Variants in ZNF586 observed in about 807,000 individuals in gnomAD.
ZNF586 encodes zinc finger protein 586.
A neutral mutation model predicts 6.7 loss-of-function variants in ZNF586; 7 were observed. That is an observed-to-expected ratio of 1.04 (90% CI 0.59 to 1.95). The LOEUF is 1.95. Among genes scored for constraint, ZNF586 ranks in the 30% most tolerant of loss-of-function variants. The pLI, the probability that ZNF586 is intolerant of heterozygous loss-of-function variation, is 0.00. For synonymous variants in ZNF586, 166 were observed against 168.7 expected, an observed-to-expected ratio of 0.98 and a Z score of 0.12; for missense variants, 442 against 489.6, an observed-to-expected ratio of 0.90 and a Z score of 0.92.
Position 57,779,326 on chromosome 19 carries a change from TC to T in ZNF586, c.741del (p.Ser248ValfsTer6), listed in dbSNP as rs1568484387. Reference protein sequence around the residue: ...SECGRSFAENSSLIKHLRVHT... With the variant: ...SECGRSFAENXSLIKHLRVHT... ...ATGTGGGAGATCCTTTGCTGAAAAC[TC>T]CAGTCTTATTAAACACTTGAGAGTT... is the stretch of plus-strand genomic sequence containing the variant. On this transcript the variant is annotated frameshift_variant, in exon 3 of 3. Coordinates refer to ENST00000396154, the MANE Select transcript of ZNF586 (RefSeq NM_017652.4). LOFTEE classifies it low-confidence loss of function (END_TRUNC). 1.2e-6 allele frequency: 2 copies of T among 1,613,392 alleles called. No individual in the cohort carries two copies. The highest frequency in any genetic ancestry group is 1.7e-6 in the Non-Finnish European group (2 of 1,179,876).
chr19:57,775,688 C>T (rs1248930228), intron 1 of ZNF586, among the ~76,000 whole-genome samples: 1 of 150,868 alleles, frequency 6.6e-6, no homozygotes, highest in African/African-American at 2.5e-5. Flanking sequence ...CTGCAACCTC[C>T]ATCTCCTGGG....
intron 1 of ZNF586, among the ~76,000 whole-genome samples, chr19:57,775,891 C>T (rs1600079758): frequency 6.6e-6 from 1 of 152,172 alleles, no homozygotes; most frequent in Admixed American, 6.5e-5. Context: ...CGTGCGCCAC[C>T]GCGCCCGGCC....
At chr19:57,772,551 A>G (rs1391528329) in intron 1 of ZNF586, among the ~76,000 whole-genome samples, 1 of 150,988 alleles carries the variant, frequency 6.6e-6, no homozygotes, top group African/African-American at 2.4e-5. Flanking sequence ...TCAGGTTCCC[A>G]TGACCCCTTC....
chr19:57,779,478 A>C lies in ZNF586; in HGVS notation c.891A>C (p.Lys297Asn). 1 of 1,614,164 alleles carries C rather than the reference A, an allele frequency of 6.2e-7. No homozygotes were observed. The highest frequency in any genetic ancestry group is 8.5e-7 in the Non-Finnish European group (1 of 1,180,032). ...CTTATGAATGTAGTGAATGTGGGAA[A>C]TCCTTTAGCTTAAGGTCCAACCTCA... ...ERPYECSECG[K>N]SFSLRSNLIH... Residue 297 changes from lysine (K) to asparagine (N), a missense_variant, in exon 3 of 3, where the codon AAA becomes AAC. By Grantham distance (94) the Lys-to-Asn change is moderately conservative. Transcript: ENST00000396154.
At chr19:57,777,302 G>A (rs186491250) in intron 2 of ZNF586, among the ~76,000 whole-genome samples, 239 of 152,132 alleles carry the variant, frequency 1.6e-3, no homozygotes, top group Admixed American at 3.3e-3. Flanking sequence ...TTGGCTGTTC[G>A]TCTGTCCTAT....
In ZNF586 at chr19:57,778,780, G is replaced by C. The variant is rs1486576276; in HGVS notation, c.193G>C (p.Ala65Pro). The stretch of plus-strand genomic sequence containing the variant: ...TTGGCATGGAGGGGAAGATGAGGCA[G>C]CACCTTCTAAGCAGAGCACGTGTAT... ...GCWHGGEDEA[A>P]PSKQSTCIHI... The change falls in exon 3 of 3, where the codon GCA becomes CCA. Residue 65 changes from alanine (A) to proline (P), a missense_variant. Transcript: ENST00000396154. 6.2e-7 allele frequency: 1 copy of C among 1,609,288 alleles called. No individual in the cohort carries two copies. The highest frequency in any genetic ancestry group is 1.1e-5 in the South Asian group (1 of 90,214).
rs772207600 is a variant in ZNF586, at chr19:57,779,547, G to A, written c.960G>A (p.Gly320=). ...RVHTGERHEC[G]QCGKSFSRKS... ...ATACTGGAGAAAGGCATGAGTGCGGGCAGTGTGGGAAATCCTTTAGCCGAA... is the reference window on the plus strand; with the variant it reads ...ATACTGGAGAAAGGCATGAGTGCGGACAGTGTGGGAAATCCTTTAGCCGAA... The change falls in exon 3 of 3, where the codon GGG becomes GGA. Residue 320 remains glycine (G), a synonymous_variant. Coordinates refer to ENST00000396154, the MANE Select transcript of ZNF586 (RefSeq NM_017652.4). 1.2e-6 allele frequency: 2 copies of A among 1,612,756 alleles called. No homozygotes were observed. The highest frequency in any genetic ancestry group is 1.1e-5 in the South Asian group (1 of 91,026).
Position 57,769,742 on chromosome 19 carries a change from A to T in ZNF586, c.-101A>T. 7.7e-7 allele frequency: 1 copy of T among 1,291,276 alleles called. No homozygotes were observed. The highest frequency in any genetic ancestry group is 1.1e-6 in the Non-Finnish European group (1 of 919,462). 80.0% of individuals were successfully genotyped at this position (1,291,276 alleles called of 1,614,324 possible). On this transcript the variant is annotated 5_prime_UTR_variant, in exon 1 of 3. Transcript: ENST00000396154. ...CGGGAGGAGTGGTTGTGGCCATTGCACACAGGCGGATCTGAGGTTCGGCGA... is the reference window on the plus strand; with the variant it reads ...CGGGAGGAGTGGTTGTGGCCATTGCTCACAGGCGGATCTGAGGTTCGGCGA...
chr19:57,774,652 CT>C (rs201971874), intron 1 of ZNF586: 7 of 589,798 alleles, frequency 1.2e-5, no homozygotes, highest in Non-Finnish European at 1.3e-5. Flanking sequence ...GCTAGTGGTT[CT>C]TTTTGTCTGT....
intron 1 of ZNF586, among the ~76,000 whole-genome samples, chr19:57,776,246 T>A (rs1987234086): frequency 6.6e-6 from 1 of 152,196 alleles, no homozygotes; most frequent in Admixed American, 6.5e-5. Context: ...GGCACTGCAC[T>A]GGGATTCATG....
At position 57,779,134 on chromosome 19, in the gene ZNF586, T is replaced by C. The variant is rs1243743984; in HGVS notation, c.547T>C (p.Cys183Arg). 6.2e-7 allele frequency: 1 copy of C among 1,613,908 alleles called. No individual in the cohort carries two copies. Among genetic ancestry groups the C allele is most frequent in the South Asian group, 1.1e-5 (1 of 91,066 alleles). ...TRERPYECIE[C>R]GKAFAEKSSL... ...AGAAAGGCCTTATGAGTGTATTGAA[T>C]GTGGGAAAGCCTTTGCTGAAAAGTC... Residue 183 changes from cysteine (C) to arginine (R), a missense_variant, in exon 3 of 3, where the codon TGT becomes CGT. Transcript: ENST00000396154.
At chr19:57,776,066 A>C (rs1987229635) in intron 1 of ZNF586, among the ~76,000 whole-genome samples, 1 of 152,006 alleles carries the variant, frequency 6.6e-6, no homozygotes, top group Admixed American at 6.6e-5. Flanking sequence ...TGAAACTCCT[A>C]CTCTTTACCA....
chr19:57,770,083 G>T (rs1041537526), intron 1 of ZNF586, among the ~76,000 whole-genome samples: 1 of 152,130 alleles, frequency 6.6e-6, no homozygotes, highest in African/African-American at 2.4e-5. Flanking sequence ...CTGCAGGCGC[G>T]ACTGAGGCAG....
rs553818268 is a variant in ZNF586, at chr19:57,771,395, G to A, written c.36+1517G>A. 2.0e-5 allele frequency among the ~76,000 whole-genome samples: 3 copies of A among 151,484 alleles called. No homozygotes were observed. The South Asian group carries it at 6.3e-4, about 32-fold the overall frequency. On this transcript the variant is annotated intron_variant, in intron 1 of 2. Transcript: ENST00000396154. ...TGGGCTCAAGCAGTCCTCTTGCTTCGGCTTCCCAAAGTGCTGGGATGCCAA... is the reference window on the plus strand; with the variant it reads ...TGGGCTCAAGCAGTCCTCTTGCTTCAGCTTCCCAAAGTGCTGGGATGCCAA...
At chr19:57,774,353 T>C (rs1011975828) in intron 1 of ZNF586, among the ~76,000 whole-genome samples, 1 of 151,024 alleles carries the variant, frequency 6.6e-6, no homozygotes, top group African/African-American at 2.4e-5. Context: ...AGAAACCCCG[T>C]CTCTACTAAA....
intron 1 of ZNF586, among the ~76,000 whole-genome samples, chr19:57,771,828 A>T (rs1182836488): frequency 6.6e-6 from 1 of 151,752 alleles, no homozygotes; most frequent in Non-Finnish European, 1.5e-5. Flanking sequence ...GGGGCAAGTC[A>T]ATTTTTTTTT....
rs1414915574 is a variant in ZNF586, at chr19:57,780,501, G to C, written c.*705G>C. The C allele has an allele frequency of 6.6e-6, 1 of 152,148 alleles. No homozygotes were observed. The highest frequency in any genetic ancestry group is 1.5e-5 in the Non-Finnish European group (1 of 68,064). 9.4% of individuals were successfully genotyped at this position (152,148 alleles called of 1,614,324 possible). On this transcript the variant is annotated 3_prime_UTR_variant, in exon 3 of 3. Transcript: ENST00000396154. ...AGAGTTCTTAAGATGGAATTTTCCAGCCTGCCAGTCATGAATCTCAGACAG... is the reference window on the plus strand; with the variant it reads ...AGAGTTCTTAAGATGGAATTTTCCACCCTGCCAGTCATGAATCTCAGACAG...
intron 1 of ZNF586, among the ~76,000 whole-genome samples, chr19:57,774,220 A>G (rs1987167646): frequency 7.4e-6 from 1 of 135,320 alleles, no homozygotes; most frequent in Non-Finnish European, 1.5e-5. Flanking sequence ...CCGTCTCAAA[A>G]AAAAAAAAAA....
Position 57,776,474 on chromosome 19 carries a change from T to C in ZNF586, c.37-69T>C. On this transcript the variant is annotated intron_variant, in intron 1 of 2. Transcript: ENST00000396154. ...AGGAGGATGGGCAAGGGTAGATATG[T>C]TGGGGAAGTGGACTGTGGGTCTTCA... 7 of 1,534,016 alleles carry C rather than the reference T, an allele frequency of 4.6e-6. No individual in the cohort carries two copies. In the South Asian group the frequency reaches 8.9e-5, roughly 19 times the overall value.
Sources: gnomAD v4.1 joint callset for allele counts (sites outside exome capture counted in the v4.1 genomes callset) on GRCh38, gnomAD v4.1.1 for gene constraint, MANE v1.5 for transcripts, NCBI Gene and HGNC (gene_info 2026-07-23, HGNC 2026-07-21) for gene names.